The following SCIN variants were observed in gnomAD, a reference collection of about 807,000 sequenced individuals.
SCIN encodes the protein scinderin.
SCIN carries 91 observed loss-of-function variants against 91.8 expected under a neutral mutation model. That is an observed-to-expected ratio of 0.99 (90% CI 0.84 to 1.18). The LOEUF is 1.18. Ranked by LOEUF, SCIN falls within the 50% of genes most tolerant of loss-of-function variation. SCIN has a pLI of 0.00. For missense variants in SCIN, 1,087 were observed against 863.9 expected, an observed-to-expected ratio of 1.26 and a Z score of -3.24; for synonymous variants, 367 against 312.6, an observed-to-expected ratio of 1.17 and a Z score of -1.84.
chr7:12,624,793 A>G (rs1054238462), intron 5 of SCIN, among the ~76,000 whole-genome samples: 1 of 152,200 alleles, frequency 6.6e-6, no homozygotes, highest in African/African-American at 2.4e-5. Context: ...CAAAAAAATT[A>G]GAGTATAATT....
intron 10 of SCIN, among the ~76,000 whole-genome samples, chr7:12,638,207 C>T (rs1038142130): frequency 2.0e-5 from 3 of 152,160 alleles, no homozygotes; most frequent in Non-Finnish European, 4.4e-5. Context: ...CCAATGTGTC[C>T]GTCTGCTTTC....
At chr7:12,622,678 T>C in intron 4 of SCIN, 123 bp from the exon 5 acceptor site, 1 of 682,078 alleles carries the variant, frequency 1.5e-6, no homozygotes, top group East Asian at 2.7e-5. Flanking sequence ...TGAGAAGTGT[T>C]TGAGCCTGGT....
intron 6 of SCIN, 125 bp from the exon 7 acceptor site, chr7:12,625,637 T>C: frequency 1.3e-6 from 1 of 745,810 alleles, no homozygotes; most frequent in Non-Finnish European, 2.1e-6. Context: ...CCAATTTTGC[T>C]ATTCTTTCAC....
intron 3 of SCIN, chr7:12,596,409 T>G (rs1782842680): frequency 2.2e-6 from 1 of 455,280 alleles, no homozygotes; most frequent in Admixed American, 2.4e-5. Context: ...GATGTCTGCA[T>G]TCACTTTAGT....
At chr7:12,628,023 G>A (rs1265108286) in intron 8 of SCIN, among the ~76,000 whole-genome samples, 1 of 82,094 alleles carries the variant, frequency 1.2e-5, no homozygotes, top group Non-Finnish European at 2.2e-5. Context: ...ACTTAGGCAA[G>A]TGTGCGCGCG....
chr7:12,596,673 GTA>G (rs967480615), intron 3 of SCIN, among the ~76,000 whole-genome samples: 4 of 131,280 alleles, frequency 3.0e-5, no homozygotes, highest in Non-Finnish European at 6.4e-5. Flanking sequence ...TTTTGTTAAA[GTA>G]TGACTGTAAG....
intron 4 of SCIN, among the ~76,000 whole-genome samples, chr7:12,622,215 A>G (rs1783423910): frequency 6.6e-6 from 1 of 152,078 alleles, no homozygotes; most frequent in Non-Finnish European, 1.5e-5. Context: ...GAATAGATAA[A>G]TTCATTTATT....
chr7:12,589,162 G>C (rs1782661371), intron 3 of SCIN: 1 of 151,410 alleles, frequency 6.6e-6, no homozygotes, highest in Admixed American at 6.6e-5. Context: ...GTGCCCAGGA[G>C]TTACGAAATC....
chr7:12,620,419 G>A (rs1467857980), intron 4 of SCIN, among the ~76,000 whole-genome samples: 1 of 151,938 alleles, frequency 6.6e-6, no homozygotes, highest in African/African-American at 2.4e-5. Flanking sequence ...GGATATTTTG[G>A]ATTCCACATA....
At chr7:12,611,888 A>G (rs569715715) in intron 4 of SCIN, among the ~76,000 whole-genome samples, 12 of 151,812 alleles carry the variant, frequency 7.9e-5, no homozygotes, top group African/African-American at 2.9e-4. Flanking sequence ...TATCCACTGC[A>G]CTCCAGCCTG....
chr7:12,598,823 T>G (rs963837228), intron 3 of SCIN, among the ~76,000 whole-genome samples: 6 of 152,102 alleles, frequency 3.9e-5, no homozygotes, highest in Admixed American at 6.5e-5. Flanking sequence ...GCAGGAGGAT[T>G]TCTTGAACCT....
chr7:12,613,926 G>T (rs1783246974), intron 4 of SCIN, among the ~76,000 whole-genome samples: 1 of 152,068 alleles, frequency 6.6e-6, no homozygotes, highest in Admixed American at 6.6e-5. Context: ...ATTAATATCT[G>T]TATGTAAACA....
At chr7:12,625,296 C>G (rs894520498) in intron 6 of SCIN, among the ~76,000 whole-genome samples, 154 bp downstream of exon 6, 1 of 151,780 alleles carries the variant, frequency 6.6e-6, no homozygotes, top group Non-Finnish European at 1.5e-5. Flanking sequence ...CCATTTTCCT[C>G]CTACCAACAT....
intron 4 of SCIN, among the ~76,000 whole-genome samples, chr7:12,610,677 G>A (rs1783172106): frequency 6.6e-6 from 1 of 152,140 alleles, no homozygotes; most frequent in African/African-American, 2.4e-5. Flanking sequence ...GCTGATTAAA[G>A]TAAGTTTTAA....
At chr7:12,626,519 C>G (rs1415893939) in intron 7 of SCIN, 65 bp from the exon 8 acceptor site, 1 of 1,225,912 alleles carries the variant, frequency 8.2e-7, no homozygotes, top group Non-Finnish European at 1.1e-6. Context: ...TCTCCACTGC[C>G]AGATTCATAT....
chr7:12,650,729 T>C (rs1157314152), intron 14 of SCIN, among the ~76,000 whole-genome samples: 1 of 152,192 alleles, frequency 6.6e-6, no homozygotes. Flanking sequence ...ATATACAGAT[T>C]GTATAATTAT....
At chr7:12,595,042 A>C (rs1444641022) in intron 3 of SCIN, among the ~76,000 whole-genome samples, 1 of 152,020 alleles carries the variant, frequency 6.6e-6, no homozygotes, top group East Asian at 1.9e-4. Flanking sequence ...GATAGGAGAG[A>C]GAGAGAGAGA....
chr7:12,601,691 T>C (rs1562607919), intron 3 of SCIN, among the ~76,000 whole-genome samples: 1 of 152,212 alleles, frequency 6.6e-6, no homozygotes, highest in African/African-American at 2.4e-5. Flanking sequence ...ACAGTAAACA[T>C]TGAAGGCTTT....
intron 13 of SCIN, 106 bp from the exon 14 acceptor site, chr7:12,649,361 A>T (rs964204791): frequency 1.7e-6 from 1 of 581,406 alleles, no homozygotes; most frequent in Non-Finnish European, 2.8e-6. Flanking sequence ...ATTACCACCA[A>T]ATTTTATTTT....
Sources: gnomAD v4.1 joint callset for allele counts (sites outside exome capture counted in the v4.1 genomes callset) on GRCh38, gnomAD v4.1.1 for gene constraint, MANE v1.5 for transcripts, NCBI Gene and HGNC (gene_info 2026-07-23, HGNC 2026-07-21) for gene names.